The following SLC44A5 variants were observed in gnomAD, a reference collection of about 807,000 sequenced individuals.
The protein encoded by SLC44A5 is choline transporter-like protein 5.
SLC44A5 carries 57 observed loss-of-function variants against 101.8 expected under a neutral mutation model. The ratio of observed to expected loss-of-function variants is 0.56; its 90% CI spans 0.45 to 0.70. SLC44A5 has a LOEUF of 0.70. Ranked by LOEUF, SLC44A5 falls within the 30% of genes least tolerant of loss-of-function variation. The pLI is 0.00. For missense variants in SLC44A5, 737 were observed against 853.1 expected (o/e 0.86, Z 1.70); for synonymous variants, 281 against 290.9 (o/e 0.97, Z 0.35).
chr1:75,652,993 G>A, the SLC44A5 span, among the ~76,000 whole-genome samples: 1 of 152,226 alleles, frequency 6.6e-6, no homozygotes, highest in Admixed American at 6.5e-5. Flanking sequence ...AGTATATGTT[G>A]TACTGGATAT....
At chr1:75,213,665 T>C in intron 22 of SLC44A5, 40 bp downstream of exon 22, 1 of 1,364,574 alleles carries the variant, frequency 7.3e-7, no homozygotes. Flanking sequence ...ATAGTATTTT[T>C]ATTATAGCAG....
chr1:75,480,459 A>C (rs1667767987), intron 2 of SLC44A5, among the ~76,000 whole-genome samples: 1 of 152,212 alleles, frequency 6.6e-6, no homozygotes, highest in Non-Finnish European at 1.5e-5. Context: ...GAGGAAGTCA[A>C]ATTGTCCCTG....
chr1:75,560,509 G>A (rs1009020086), intron 1 of SLC44A5, among the ~76,000 whole-genome samples: 4 of 152,108 alleles, frequency 2.6e-5, no homozygotes, highest in African/African-American at 7.2e-5. Context: ...ATTATATTCT[G>A]GTGATAGTTG....
At chr1:75,537,034 A>AAAAAATATATATATG (rs1553199990) in intron 2 of SLC44A5, among the ~76,000 whole-genome samples, 11 of 18,652 alleles carry the variant, frequency 5.9e-4, no homozygotes, top group African/African-American at 1.1e-3. Context: ...AAAAAAAAAA[A>AAAAAATATATATATG]TATATATCTA....
At chr1:75,702,412 G>A in the SLC44A5 span, among the ~76,000 whole-genome samples, 2 of 152,106 alleles carry the variant, frequency 1.3e-5, no homozygotes, top group African/African-American at 4.8e-5. Context: ...ATGGGGAAAG[G>A]ATTCCCTATT....
At chr1:75,674,483 G>A in the SLC44A5 span, among the ~76,000 whole-genome samples, 9 of 152,088 alleles carry the variant, frequency 5.9e-5, no homozygotes, top group Middle Eastern at 3.2e-3. Flanking sequence ...GTGTTCAAGC[G>A]ATTATCCTGC....
chr1:75,633,120 G>A, the SLC44A5 span, among the ~76,000 whole-genome samples: 1 of 152,134 alleles, frequency 6.6e-6, no homozygotes, highest in East Asian at 1.9e-4. Flanking sequence ...ACAAATGTTT[G>A]TTGAATAAAG....
chr1:75,377,029 T>C (rs1433075887), intron 3 of SLC44A5, among the ~76,000 whole-genome samples: 1 of 152,148 alleles, frequency 6.6e-6, no homozygotes, highest in African/African-American at 2.4e-5. Flanking sequence ...ACGTGAAGAA[T>C]GAAGAAGCCT....
chr1:75,471,946 GT>G (rs1030229610), intron 2 of SLC44A5, among the ~76,000 whole-genome samples: 4 of 151,018 alleles, frequency 2.6e-5, no homozygotes, highest in African/African-American at 9.8e-5. Flanking sequence ...CCCATAATCT[GT>G]TTTGTGGCAA....
At chr1:75,423,621 C>T (rs1664139993) in intron 2 of SLC44A5, among the ~76,000 whole-genome samples, 2 of 152,316 alleles carry the variant, frequency 1.3e-5, no homozygotes, top group South Asian at 4.1e-4. Context: ...ATGTTTGCTA[C>T]GTTAATATGT....
Position 75,230,334 on chromosome 1 carries a change from G to A in SLC44A5, c.854-2477C>T, listed in dbSNP as rs189314902. Among the ~76,000 whole-genome samples the A allele has an allele frequency of 5.5e-3, 814 of 149,174 alleles. 7 individuals carry two copies. Among genetic ancestry groups the A allele is most frequent in the African/African-American group, 0.018 (742 of 40,468 alleles). ...ACAATCTCAGCTCACTGCAACCTCC[G>A]CCTCCTGAGTTCAAGCAATTCTCGT... On this transcript the variant is annotated intron_variant, in intron 12 of 23. Coordinates refer to ENST00000370859, the MANE Select transcript of SLC44A5 (RefSeq NM_001130058.2).
intron 13 of SLC44A5, among the ~76,000 whole-genome samples, chr1:75,224,545 T>C (rs1647156684): frequency 6.6e-6 from 1 of 152,104 alleles, no homozygotes; most frequent in Non-Finnish European, 1.5e-5. Flanking sequence ...CCTGACCCTG[T>C]GTAGGTCTAG....
intron 1 of SLC44A5, among the ~76,000 whole-genome samples, chr1:75,550,774 G>C (rs910432840): frequency 8.6e-5 from 13 of 152,014 alleles, no homozygotes; most frequent in African/African-American, 2.9e-4. Flanking sequence ...AAGACATCCA[G>C]AATTACTCAG....
chr1:75,357,399 C>T (rs1249833), intron 3 of SLC44A5, among the ~76,000 whole-genome samples: 143,772 of 152,254 alleles, frequency 0.94, 68,457 homozygotes, highest in East Asian at 1. Flanking sequence ...TCTCTGAGCA[C>T]TGAGTAGAAT....
At chr1:75,468,657 G>C (rs1019654785) in intron 2 of SLC44A5, among the ~76,000 whole-genome samples, 17 of 152,140 alleles carry the variant, frequency 1.1e-4, no homozygotes, top group Admixed American at 1.1e-3. Flanking sequence ...GAGAAGGATG[G>C]TTACCACAGG....
At chr1:75,703,073 T>C in the SLC44A5 span, among the ~76,000 whole-genome samples, 13 of 150,838 alleles carry the variant, frequency 8.6e-5, no homozygotes, top group South Asian at 2.8e-3. Context: ...GACTGTAAAC[T>C]AGTTCAACCA....
upstream of SLC44A5, among the ~76,000 whole-genome samples, chr1:75,612,102 G>C (rs1675681127): frequency 6.6e-6 from 1 of 152,118 alleles, no homozygotes; most frequent in African/African-American, 2.4e-5. Flanking sequence ...CAATATCTCA[G>C]CCTGAAATTG....
chr1:75,498,024 C>G (rs916135467), intron 2 of SLC44A5, among the ~76,000 whole-genome samples: 5 of 152,036 alleles, frequency 3.3e-5, no homozygotes, highest in Admixed American at 2.6e-4. Flanking sequence ...TTAAAGCATG[C>G]CAAGGTTTTC....
chr1:75,359,174 CT>C (rs34008323), intron 3 of SLC44A5, among the ~76,000 whole-genome samples: 1,447 of 104,578 alleles, frequency 0.014, 30 homozygotes, highest in African/African-American at 0.045. Context: ...ATTTTCTTTT[CT>C]TTTTTTTTTT....
Sources: gnomAD v4.1 joint callset for allele counts (sites outside exome capture counted in the v4.1 genomes callset) on GRCh38, gnomAD v4.1.1 for gene constraint, MANE v1.5 for transcripts, NCBI Gene and HGNC (gene_info 2026-07-23, HGNC 2026-07-21) for gene names.